The following CCR3 variants were observed in gnomAD, a reference collection of about 807,000 sequenced individuals.
CCR3 encodes the protein C-C chemokine receptor type 3.
For missense variants in CCR3, 419 were observed against 437.5 expected (o/e 0.96, Z 0.38); for synonymous variants, 203 against 179.2 (o/e 1.13, Z -1.06).
At chr3:46,211,656 G>A (rs1214337879) in intron 2 of CCR3, among the ~76,000 whole-genome samples, 2 of 152,210 alleles carry the variant, frequency 1.3e-5, no homozygotes, top group South Asian at 2.1e-4. Flanking sequence ...TACCCCTGGC[G>A]CCTTATTTTC....
At chr3:46,245,231 C>T (rs1700167920) in intron 1 of CCR3, among the ~76,000 whole-genome samples, 1 of 151,672 alleles carries the variant, frequency 6.6e-6, no homozygotes, top group Non-Finnish European at 1.5e-5. Flanking sequence ...ATGATTTGAA[C>T]TTTGAGAGGC....
intron 1 of CCR3, among the ~76,000 whole-genome samples, chr3:46,246,864 C>T (rs557642988): frequency 2.6e-4 from 40 of 151,848 alleles, no homozygotes; most frequent in Admixed American, 6.6e-4. Flanking sequence ...TTAGGGGCGG[C>T]GTGGGAACCT....
chr3:46,242,982 C>CACATATATAT (rs146505046), intron 1 of CCR3, among the ~76,000 whole-genome samples: 1 of 99,326 alleles, frequency 1.0e-5, no homozygotes, highest in African/African-American at 4.6e-5. Context: ...TATATATACA[C>CACATATATAT]ATATATATAT....
At chr3:46,220,250 C>A (rs1454252636) in intron 2 of CCR3, among the ~76,000 whole-genome samples, 1 of 152,152 alleles carries the variant, frequency 6.6e-6, no homozygotes, top group Non-Finnish European at 1.5e-5. Flanking sequence ...CCCAACATCA[C>A]TAATTATCAG....
At chr3:46,260,291 C>T (rs1575510475) in intron 1 of CCR3, among the ~76,000 whole-genome samples, 1 of 152,228 alleles carries the variant, frequency 6.6e-6, no homozygotes, top group Non-Finnish European at 1.5e-5. Flanking sequence ...CCTCACATTT[C>T]AAAACCAATC....
At chr3:46,260,779 T>C (rs1700511546) in intron 1 of CCR3, among the ~76,000 whole-genome samples, 1 of 152,248 alleles carries the variant, frequency 6.6e-6, no homozygotes, top group Admixed American at 6.5e-5. Context: ...TAAAATCTGC[T>C]CTTTTAGGCA....
At chr3:46,264,597 A>C (rs757506345) in intron 1 of CCR3, 2 of 594,796 alleles carry the variant, frequency 3.4e-6, no homozygotes, top group Non-Finnish European at 5.8e-6. Flanking sequence ...CAAATTACTA[A>C]ATTTCTTCAA....
At chr3:46,245,557 CT>C (rs955509639) in intron 1 of CCR3, among the ~76,000 whole-genome samples, 22 of 151,388 alleles carry the variant, frequency 1.5e-4, no homozygotes, top group Admixed American at 2.6e-4. Context: ...GATTATTTTC[CT>C]TTTTTTTAAC....
intron 2 of CCR3, among the ~76,000 whole-genome samples, chr3:46,218,319 G>T (rs979726768): frequency 6.7e-6 from 1 of 149,158 alleles, no homozygotes; most frequent in Non-Finnish European, 1.5e-5. Flanking sequence ...GATTAAAATG[G>T]TAATTTTAAA....
upstream of CCR3, among the ~76,000 whole-genome samples, chr3:46,239,605 G>A (rs1016788818): frequency 5.9e-5 from 9 of 152,182 alleles, no homozygotes; most frequent in African/African-American, 2.2e-4. Flanking sequence ...TGCTAATTAA[G>A]GAGACTGGAG....
chr3:46,258,679 G>A (rs1194613076), intron 1 of CCR3, among the ~76,000 whole-genome samples: 2 of 152,102 alleles, frequency 1.3e-5, no homozygotes, highest in East Asian at 3.8e-4. Flanking sequence ...TTATTTTGAT[G>A]ACTCTTATTC....
At chr3:46,244,610 G>A (rs146404106) in intron 1 of CCR3, among the ~76,000 whole-genome samples, 1 of 152,340 alleles carries the variant, frequency 6.6e-6, no homozygotes, top group East Asian at 1.9e-4. Flanking sequence ...GAGCCAGGAT[G>A]AGCCAGGAAA....
At chr3:46,215,890 C>T (rs532657471) in intron 2 of CCR3, among the ~76,000 whole-genome samples, 1 of 152,276 alleles carries the variant, frequency 6.6e-6, no homozygotes, top group African/African-American at 2.4e-5. Context: ...CACTAGGCTG[C>T]CCCTATAGAT....
At chr3:46,243,483 T>C (rs530865018) in intron 1 of CCR3, among the ~76,000 whole-genome samples, 38 of 152,058 alleles carry the variant, frequency 2.5e-4, no homozygotes, top group Non-Finnish European at 1.6e-4. Flanking sequence ...AGTTGATTGA[T>C]TTGGTGTCTT....
rs182694205 is a variant in CCR3, at chr3:46,226,725, C to G, written c.-67-15677C>G. On this transcript the variant is annotated intron_variant, in intron 2 of 3. Transcript: ENST00000357422. Reference sequence around the variant, plus strand: ...TAGACGTCCTTGCTTTGTTCTTGATCTTAGAGGAAAACATTCATTCTTTCT... The same window carrying G: ...TAGACGTCCTTGCTTTGTTCTTGATGTTAGAGGAAAACATTCATTCTTTCT... 9.5e-4 allele frequency among the ~76,000 whole-genome samples: 144 copies of G among 152,126 alleles called. 1 individual carries two copies. Among genetic ancestry groups the G allele is most frequent in the Non-Finnish European group, 1.2e-3 (80 of 68,006 alleles).
rs764273011 is a variant in CCR3 at position 46,265,970 on chromosome 3, A to G, written c.812A>G (p.Asn271Ser). The G allele has an allele frequency of 6.2e-7, 1 of 1,614,138 alleles. No homozygotes were observed. Among genetic ancestry groups the G allele is most frequent in the Non-Finnish European group, 8.5e-7 (1 of 1,180,020 alleles). Residue 271 changes from asparagine (N) to serine (S), a missense_variant, in exon 2 of 2, where the codon AAT becomes AGT. Physicochemically the swap from Asn to Ser is conservative, Grantham distance 46. Transcript: ENST00000395940. ...TCCTATCAATCCATCTTATTTGGAAATGACTGTGAGCGGAGCAAGCATCTG... is the reference window on the plus strand; with the variant it reads ...TCCTATCAATCCATCTTATTTGGAAGTGACTGTGAGCGGAGCAAGCATCTG... ...LSSYQSILFG[N>S]DCERSKHLDL...
At chr3:46,260,339 T>C (rs1700500409) in intron 1 of CCR3, among the ~76,000 whole-genome samples, 1 of 152,212 alleles carries the variant, frequency 6.6e-6, no homozygotes, top group Non-Finnish European at 1.5e-5. Flanking sequence ...TTAACTCATT[T>C]CATCATTAAC....
At chr3:46,228,894 A>G (rs899065567) in intron 2 of CCR3, among the ~76,000 whole-genome samples, 8 of 152,194 alleles carry the variant, frequency 5.3e-5, no homozygotes, top group African/African-American at 1.9e-4. Flanking sequence ...TACATCTGCT[A>G]TGTGTATTCT....
intron 1 of CCR3, among the ~76,000 whole-genome samples, chr3:46,246,904 T>A (rs944667432): frequency 6.6e-6 from 1 of 151,008 alleles, no homozygotes. Flanking sequence ...TGAAGGGAGG[T>A]CTTGTGGTAA....
Sources: gnomAD v4.1 joint callset for allele counts (sites outside exome capture counted in the v4.1 genomes callset) on GRCh38, gnomAD v4.1.1 for gene constraint, MANE v1.5 for transcripts, NCBI Gene and HGNC (gene_info 2026-07-23, HGNC 2026-07-21) for gene names.